Variants in CNTN6 observed in about 807,000 individuals in gnomAD.
CNTN6 encodes contactin 6, also known as contactin-6.
CNTN6 carries 137 observed loss-of-function variants against 122.8 expected under a neutral mutation model. The ratio of observed to expected loss-of-function variants is 1.12; its 90% confidence interval spans 0.97 to 1.29. CNTN6 has a LOEUF of 1.29. Among genes scored for constraint, CNTN6 ranks in the 50% most tolerant of loss-of-function variants. The probability of loss-of-function intolerance (pLI) is 0.00; values close to 1 mark genes in which losing one functional copy is unlikely to be tolerated. For missense variants in CNTN6, 1,634 were observed against 1,223.4 expected (o/e 1.34, Z -5.01); for synonymous variants, 570 against 426.0 (o/e 1.34, Z -4.16).
intron 1 of CNTN6, among the ~76,000 whole-genome samples, chr3:1,095,916 C>G (rs1430972394): frequency 6.6e-6 from 1 of 152,104 alleles, no homozygotes; most frequent in African/African-American, 2.4e-5. Flanking sequence ...CTTTTACTAC[C>G]CAATTCACCA....
rs545822366 is a variant in CNTN6, at chr3:1,124,799, C to T, written c.-82-23128C>T. On this transcript the variant is annotated intron_variant, in intron 1 of 22. Coordinates refer to ENST00000446702, the MANE Select transcript of CNTN6 (RefSeq NM_001289080.2). ...CGGCCACTTCCTCCATGAAGATTTT[C>T]TGACTTTCCTTAGACCAAATGAGTT... 4.6e-5 allele frequency among the ~76,000 whole-genome samples: 7 copies of T among 152,036 alleles called. No homozygotes were observed. In the East Asian group the frequency reaches 1.2e-3, roughly 25 times the overall value.
At chr3:1,384,589 T>C (rs1293069192) in intron 19 of CNTN6, among the ~76,000 whole-genome samples, 1 of 151,488 alleles carries the variant, frequency 6.6e-6, no homozygotes, top group African/African-American at 2.4e-5. Context: ...AATTCAGTGA[T>C]TCACAAAATG....
At chr3:1,179,923 G>A (rs923357549) in intron 2 of CNTN6, among the ~76,000 whole-genome samples, 1 of 152,110 alleles carries the variant, frequency 6.6e-6, no homozygotes, top group African/African-American at 2.4e-5. Context: ...TTACTAATTT[G>A]TTACCAGGTG....
intron 1 of CNTN6, among the ~76,000 whole-genome samples, chr3:1,115,724 C>T (rs577239974): frequency 2.6e-5 from 4 of 152,248 alleles, no homozygotes; most frequent in African/African-American, 9.6e-5. Flanking sequence ...TGCACTCCCA[C>T]ATGGGCAACA....
At chr3:1,118,857 TAAAA>T (rs750524781) in intron 1 of CNTN6, among the ~76,000 whole-genome samples, 174 of 149,980 alleles carry the variant, frequency 1.2e-3, no homozygotes, top group Non-Finnish European at 1.8e-3. Flanking sequence ...CAATACCTCT[TAAAA>T]AAAAAAAAAA....
intron 20 of CNTN6, among the ~76,000 whole-genome samples, chr3:1,388,286 C>T (rs1311916337): frequency 1.4e-5 from 2 of 147,964 alleles, no homozygotes; most frequent in African/African-American, 2.5e-5. Context: ...TGGGAGGCAC[C>T]CCCCAGCAGG....
At chr3:1,296,891 T>C (rs1336355471) in intron 6 of CNTN6, among the ~76,000 whole-genome samples, 1 of 152,150 alleles carries the variant, frequency 6.6e-6, no homozygotes, top group African/African-American at 2.4e-5. Context: ...TTCTGCTTCT[T>C]GCCTTCTTAA....
chr3:1,269,169 C>G (rs2125744942), intron 4 of CNTN6, among the ~76,000 whole-genome samples: 1 of 151,984 alleles, frequency 6.6e-6, no homozygotes, highest in Non-Finnish European at 1.5e-5. Context: ...TGTTAGCTAG[C>G]TTATTTTAAA....
chr3:1,352,511 C>T, intron 12 of CNTN6, 60 bp downstream of exon 12: 2 of 1,583,466 alleles, frequency 1.3e-6, no homozygotes, highest in East Asian at 4.5e-5. Context: ...CATATTATGA[C>T]TTGTGTTATG....
intron 11 of CNTN6, among the ~76,000 whole-genome samples, chr3:1,346,168 T>C (rs1704659063): frequency 6.6e-6 from 1 of 152,142 alleles, no homozygotes; most frequent in Non-Finnish European, 1.5e-5. Context: ...TGGGTAGATA[T>C]TAGATTTGTT....
At chr3:1,151,743 G>C (rs2092847421) in intron 2 of CNTN6, among the ~76,000 whole-genome samples, 1 of 152,120 alleles carries the variant, frequency 6.6e-6, no homozygotes, top group South Asian at 2.1e-4. Context: ...CTGAGATTCT[G>C]CCCCTTGTGA....
chr3:1,187,331 T>C (rs2093643219), intron 2 of CNTN6, among the ~76,000 whole-genome samples: 1 of 152,140 alleles, frequency 6.6e-6, no homozygotes, highest in Non-Finnish European at 1.5e-5. Context: ...CTTTGAGCTA[T>C]GGAAGCCAAT....
In CNTN6 at chr3:1,158,861, T is replaced by TATAC. The variant is rs1559422414; in HGVS notation, c.55+10799_55+10800insTACA. ...ACACATATATATACATACATATATA[T>TATAC]ACACACATATATATACACATATATA... On this transcript the variant is annotated intron_variant, in intron 2 of 22. Coordinates refer to ENST00000446702, the MANE Select transcript of CNTN6 (RefSeq NM_001289080.2). 8.0e-5 allele frequency among the ~76,000 whole-genome samples: 8 copies of TATAC among 100,542 alleles called. 1 individual carries two copies. The highest frequency in any genetic ancestry group is 1.5e-4 in the African/African-American group (3 of 19,776). 66.0% of individuals were successfully genotyped at this position (100,542 alleles called of 152,430 possible). A position where few individuals can be genotyped will look rare whatever the true frequency, so the allele number is the denominator to read the frequency against.
At chr3:1,281,685 G>A (rs1249575552) in intron 5 of CNTN6, among the ~76,000 whole-genome samples, 4 of 151,938 alleles carry the variant, frequency 2.6e-5, no homozygotes, top group South Asian at 2.1e-4. Context: ...TGATCTGCCC[G>A]CCTCGGCCTC....
rs574681005 is a variant in CNTN6 at position 1,295,679 on chromosome 3, C to T, written c.533C>T (p.Thr178Met). Residue 178 changes from threonine (T) to methionine (M), a missense_variant, in exon 6 of 23, where the codon ACG (threonine) becomes ATG (methionine). Physicochemically the swap from Thr to Met is moderately conservative, Grantham distance 81. Coordinates refer to ENST00000446702, the MANE Select transcript of CNTN6 (RefSeq NM_001289080.2). ...AATAGGCGATTTGTATCTCAAGAGA[C>T]GGGAAACTTGTACATTGCCAAAGTG... is the stretch of plus-strand genomic sequence containing the variant. ...EDNRRFVSQE[T>M]GNLYIAKVEP... 2.0e-5 allele frequency: 33 copies of T among 1,613,948 alleles called. No individual in the cohort carries two copies. In the East Asian group the frequency reaches 2.2e-4, roughly 11 times the overall value.
chr3:1,168,400 A>G (rs2093299114), intron 2 of CNTN6, among the ~76,000 whole-genome samples: 1 of 149,028 alleles, frequency 6.7e-6, no homozygotes, highest in African/African-American at 2.5e-5. Context: ...GACTCTGTAT[A>G]CAGGAGGTAG....
chr3:1,344,724 C>G (rs1704408122), intron 11 of CNTN6, among the ~76,000 whole-genome samples: 1 of 152,130 alleles, frequency 6.6e-6, no homozygotes, highest in African/African-American at 2.4e-5. Flanking sequence ...TATTTGTGTT[C>G]TTTCCCCAAA....
At chr3:1,359,871 T>C (rs909861815) in intron 12 of CNTN6, among the ~76,000 whole-genome samples, 2 of 152,086 alleles carry the variant, frequency 1.3e-5, no homozygotes, top group Admixed American at 1.3e-4. Context: ...TTGATTTTCC[T>C]GTGTTTGCTT....
At chr3:1,104,649 A>G (rs903288391) in intron 1 of CNTN6, among the ~76,000 whole-genome samples, 1 of 152,170 alleles carries the variant, frequency 6.6e-6, no homozygotes, top group Non-Finnish European at 1.5e-5. Flanking sequence ...AAAATCATAT[A>G]TGTTTATTAT....
Sources: allele counts gnomAD v4.1 joint callset (sites outside exome capture counted in the v4.1 genomes callset), GRCh38; gene constraint gnomAD v4.1.1; transcripts MANE v1.5; gene names NCBI Gene and HGNC (gene_info 2026-07-23, HGNC 2026-07-21).